PPARGC1A: variants seen among roughly 807,000 people sequenced by gnomAD.
PPARGC1A encodes the protein PPARG coactivator 1 alpha.
PPARGC1A carries 25 observed loss-of-function variants against 88.7 expected under a neutral mutation model. The ratio of observed to expected loss-of-function variants is 0.28; its 90% CI spans 0.21 to 0.39. The LOEUF (loss-of-function observed/expected upper bound fraction) is 0.39. PPARGC1A is among the 10% of genes least tolerant of loss of function. The probability of loss-of-function intolerance (pLI) is 1.00; values close to 1 mark genes in which losing one functional copy is unlikely to be tolerated. For missense variants in PPARGC1A, 880 were observed against 968.7 expected (o/e 0.91, Z 1.22); for synonymous variants, 363 against 355.6 (o/e 1.02, Z -0.24).
chr4:24,367,144 C>T, the PPARGC1A span, among the ~76,000 whole-genome samples: 4 of 152,096 alleles, frequency 2.6e-5, no homozygotes, highest in East Asian at 7.7e-4. Flanking sequence ...TTCGTAATCA[C>T]TAGTAAGAGC....
At position 23,827,773 on chromosome 4, in the gene PPARGC1A, A is replaced by G. The variant is rs74324812; in HGVS notation, c.757+627T>C. ...GGATTTTTCAAATCTTTATTTACAG[A>G]ATAAAATCTGTGAGCATAGCATGTG... On this transcript the variant is annotated intron_variant, in intron 5 of 12. Transcript: ENST00000264867. Among the ~76,000 whole-genome samples the G allele has an allele frequency of 3.8e-3, 576 of 152,260 alleles. 3 individuals carry two copies. Among genetic ancestry groups the G allele is most frequent in the African/African-American group, 0.013 (535 of 41,540 alleles).
At chr4:23,938,540 T>C in the PPARGC1A span, among the ~76,000 whole-genome samples, 202 of 152,262 alleles carry the variant, frequency 1.3e-3, 2 homozygotes, top group Non-Finnish European at 2.4e-3. Context: ...TGTACAATGA[T>C]GGAGAGCAGA....
the PPARGC1A span, among the ~76,000 whole-genome samples, chr4:24,455,837 G>C: frequency 6.6e-6 from 1 of 152,160 alleles, no homozygotes; most frequent in East Asian, 1.9e-4. Flanking sequence ...CCATGCTCTT[G>C]GACTTACCAA....
intron 2 of PPARGC1A, among the ~76,000 whole-genome samples, chr4:23,859,062 A>T (rs567494887): frequency 1.3e-5 from 2 of 151,966 alleles, no homozygotes; most frequent in South Asian, 4.2e-4. Context: ...TAGTATTGTA[A>T]TAACTTTTAA....
At chr4:23,978,079 C>A in the PPARGC1A span, among the ~76,000 whole-genome samples, 3 of 152,140 alleles carry the variant, frequency 2.0e-5, no homozygotes, top group Non-Finnish European at 4.4e-5. Context: ...ACCTCACCAC[C>A]CCCAGCCTCC....
the PPARGC1A span, among the ~76,000 whole-genome samples, chr4:23,932,021 A>G: frequency 6.6e-6 from 1 of 152,242 alleles, no homozygotes; most frequent in African/African-American, 2.4e-5. Flanking sequence ...AATCAGGCAC[A>G]TGGTAGTTAT....
intron 1 of PPARGC1A, among the ~76,000 whole-genome samples, chr4:23,886,306 C>T (rs1015984489): frequency 6.6e-6 from 1 of 152,188 alleles, no homozygotes; most frequent in African/African-American, 2.4e-5. Flanking sequence ...TTTTCTTTCT[C>T]AAGCACCCCT....
the PPARGC1A span, among the ~76,000 whole-genome samples, chr4:24,371,094 C>T: frequency 1.3e-5 from 2 of 152,048 alleles, no homozygotes; most frequent in Non-Finnish European, 1.5e-5. Context: ...TCTATGTCCC[C>T]CACAAAGGAC....
chr4:24,068,027 T>C, the PPARGC1A span, among the ~76,000 whole-genome samples: 1 of 152,160 alleles, frequency 6.6e-6, no homozygotes, highest in South Asian at 2.1e-4. Context: ...TGCATGTGTG[T>C]GGTCTGCACA....
the PPARGC1A span, among the ~76,000 whole-genome samples, chr4:24,002,320 G>A: frequency 6.6e-6 from 1 of 152,066 alleles, no homozygotes; most frequent in Non-Finnish European, 1.5e-5. Context: ...TAGAGACAGA[G>A]TTTCACTATG....
the PPARGC1A span, among the ~76,000 whole-genome samples, chr4:24,174,886 C>A: frequency 6.6e-6 from 1 of 152,230 alleles, no homozygotes; most frequent in Admixed American, 6.5e-5. Context: ...TGGAATGTCA[C>A]TGGCTGGAAA....
In PPARGC1A at chr4:23,824,455, A is replaced by C. The variant is rs368357182; in HGVS notation, c.803+8T>G. On this transcript the variant is annotated splice_region_variant and intron_variant, in intron 6 of 12. Coordinates refer to ENST00000264867, the MANE Select transcript of PPARGC1A (RefSeq NM_013261.5). ...TTTCAGAAAATGGTTACATTTCTTA[A>C]TACTTACTTTGGTGACTCTGGGGTC... 4.3e-6 allele frequency: 7 copies of C among 1,610,488 alleles called. No individual in the cohort carries two copies. Among genetic ancestry groups the C allele is most frequent in the Non-Finnish European group, 5.1e-6 (6 of 1,176,980 alleles).
At chr4:24,286,898 A>C in the PPARGC1A span, among the ~76,000 whole-genome samples, 1 of 152,140 alleles carries the variant, frequency 6.6e-6, no homozygotes, top group African/African-American at 2.4e-5. Flanking sequence ...TCTACTCCCA[A>C]GCTTCCTCAC....
chr4:24,234,717 T>C, the PPARGC1A span, among the ~76,000 whole-genome samples: 1 of 152,232 alleles, frequency 6.6e-6, no homozygotes, highest in Non-Finnish European at 1.5e-5. Context: ...TACATAGAAG[T>C]AAAGTAGCCT....
chr4:23,904,523 T>G (rs1719807110), upstream of PPARGC1A, among the ~76,000 whole-genome samples: 1 of 146,510 alleles, frequency 6.8e-6, no homozygotes, highest in South Asian at 2.1e-4. Flanking sequence ...TGTAGAAGAC[T>G]CTGTTTTATG....
the PPARGC1A span, among the ~76,000 whole-genome samples, chr4:24,375,268 A>G: frequency 7.1e-6 from 1 of 139,982 alleles, no homozygotes; most frequent in African/African-American, 2.5e-5. Flanking sequence ...TTTCAGTTAA[A>G]TGATACATTG....
chr4:24,355,782 G>T, the PPARGC1A span, among the ~76,000 whole-genome samples: 1 of 152,186 alleles, frequency 6.6e-6, no homozygotes, highest in Non-Finnish European at 1.5e-5. Flanking sequence ...GGGGGAGGAA[G>T]AACTGGTATT....
At chr4:24,189,226 G>A in the PPARGC1A span, among the ~76,000 whole-genome samples, 13 of 152,062 alleles carry the variant, frequency 8.5e-5, no homozygotes, top group African/African-American at 2.7e-4. Flanking sequence ...GGAGATGGAT[G>A]GTGGCTGCAA....
chr4:23,838,930 T>C (rs542325067), intron 2 of PPARGC1A, among the ~76,000 whole-genome samples: 1 of 152,230 alleles, frequency 6.6e-6, no homozygotes, highest in African/African-American at 2.4e-5. Context: ...AATCTGTACA[T>C]ACATTGCTCC....
Sources: allele counts gnomAD v4.1 joint callset (sites outside exome capture counted in the v4.1 genomes callset), GRCh38; gene constraint gnomAD v4.1.1; transcripts MANE v1.5; gene names NCBI Gene and HGNC (gene_info 2026-07-23, HGNC 2026-07-21).